MAML3: variants seen among roughly 807,000 people sequenced by gnomAD.
The protein encoded by MAML3 is mastermind-like protein 3.
In MAML3, 27 loss-of-function variants were observed where a neutral mutation model predicts 101.9. That is an observed-to-expected ratio of 0.27 (90% CI 0.20 to 0.37). The LOEUF is 0.37. Among genes scored for constraint, MAML3 ranks in the 10% least tolerant of loss-of-function variants. The pLI is 1.00. For missense variants in MAML3, 1,316 were observed against 1,444.9 expected (o/e 0.91, Z 1.45); for synonymous variants, 501 against 555.9 (o/e 0.90, Z 1.39).
rs1553973063 is a variant in MAML3 at position 140,074,260 on chromosome 4, A to AGAAAGAAG, written c.468+78599_468+78600insCTTCTTTC. On this transcript the variant is annotated intron_variant, in intron 1 of 4. Coordinates refer to ENST00000509479, the MANE Select transcript of MAML3 (RefSeq NM_018717.5). ...AAGAAAGAAAGAAAGAAAGAAAGAA[A>AGAAAGAAG]GAGGACATGTGTACTATGAGGGAGA... Among the ~76,000 whole-genome samples, 14 of 150,788 alleles carry AGAAAGAAG rather than the reference A, an allele frequency of 9.3e-5. 1 individual carries two copies. The highest frequency in any genetic ancestry group is 2.4e-4 in the African/African-American group (10 of 41,030).
At chr4:139,917,521 G>T (rs764212545) in intron 1 of MAML3, among the ~76,000 whole-genome samples, 13 of 152,152 alleles carry the variant, frequency 8.5e-5, no homozygotes, top group Non-Finnish European at 1.8e-4. Context: ...GTTGAGGAGG[G>T]GGAATGCCAC....
At chr4:139,971,060 C>T (rs1387934731) in intron 1 of MAML3, among the ~76,000 whole-genome samples, 1 of 152,142 alleles carries the variant, frequency 6.6e-6, no homozygotes, top group Non-Finnish European at 1.5e-5. Context: ...GTATTAAGGA[C>T]CGAGGGGTTA....
chr4:139,949,004 T>C (rs1364969085), intron 1 of MAML3, among the ~76,000 whole-genome samples: 1 of 152,020 alleles, frequency 6.6e-6, no homozygotes, highest in Non-Finnish European at 1.5e-5. Context: ...AAAGTGGTAG[T>C]AGAAATTTTT....
chr4:140,130,446 G>A (rs1473974092), intron 1 of MAML3, among the ~76,000 whole-genome samples: 1 of 152,178 alleles, frequency 6.6e-6, no homozygotes, highest in African/African-American at 2.4e-5. Context: ...GAAATTGAGA[G>A]TCTAAAAAAT....
At chr4:140,101,562 A>T (rs34569209) in intron 1 of MAML3, among the ~76,000 whole-genome samples, 68,163 of 151,902 alleles carry the variant, frequency 0.45, 15,714 homozygotes, top group Non-Finnish European at 0.49. Context: ...AAGCCAGGAG[A>T]CCCTCCATTT....
At chr4:139,722,995 C>T (rs917000286) in intron 4 of MAML3, among the ~76,000 whole-genome samples, 8 of 152,220 alleles carry the variant, frequency 5.3e-5, no homozygotes, top group Admixed American at 3.9e-4. Context: ...TTCCACGTCA[C>T]GAATAGAAAA....
In MAML3 at chr4:139,720,407, A is replaced by G. The variant is rs374543508; in HGVS notation, c.2417-84T>C. ...CAAGATGTTGGAATTTTCTTTGGGA[A>G]TGACAAAATTCCTTTATATGAAAGG... is the stretch of plus-strand genomic sequence containing the variant. On this transcript the variant is annotated intron_variant, in intron 4 of 4. Coordinates refer to ENST00000509479, the MANE Select transcript of MAML3 (RefSeq NM_018717.5). 15 of 1,278,292 alleles carry G rather than the reference A, an allele frequency of 1.2e-5. No individual in the cohort carries two copies. The East Asian group carries it at 1.8e-4, about 15-fold the overall frequency. The allele number at this position is 1,278,292 out of a possible 1,614,324, so 79.2% of individuals were successfully genotyped here.
In MAML3 at chr4:139,719,777, T is replaced by C; in HGVS notation, c.2963A>G (p.Tyr988Cys). The C allele has an allele frequency of 6.2e-7, 1 of 1,613,630 alleles. No homozygotes were observed. The highest frequency in any genetic ancestry group is 2.2e-5 in the East Asian group (1 of 44,882). Reference sequence around the variant, plus strand: ...TCTCGGCTGCCCAGCTTGAAGAGGGTAGCTGGCGCCATTGTTGAATGGTCC... The same window carrying C: ...TCTCGGCTGCCCAGCTTGAAGAGGGCAGCTGGCGCCATTGTTGAATGGTCC... ...ELGPFNNGAS[Y>C]PLQAGQPRLT... Residue 988 changes from tyrosine (Y) to cysteine (C), a missense_variant, in exon 5 of 5, where the codon TAC becomes TGC. Physicochemically the swap from Tyr to Cys is radical, Grantham distance 194. Transcript: ENST00000509479.
At position 139,943,125 on chromosome 4, in the gene MAML3, A is replaced by G. The variant is rs138292860; in HGVS notation, c.469-52158T>C. On this transcript the variant is annotated intron_variant, in intron 1 of 4. Transcript: ENST00000509479. ...CACCTAAAATAAAAAGATTCCTCCA[A>G]AATAAAAAACTTAAAATATAGGATT... 3.9e-3 allele frequency among the ~76,000 whole-genome samples: 590 copies of G among 152,336 alleles called. 7 individuals are homozygous for G. The highest frequency in any genetic ancestry group is 0.013 in the African/African-American group (554 of 41,580).
At chr4:139,815,660 A>AT (rs1730879811) in intron 2 of MAML3, among the ~76,000 whole-genome samples, 1 of 152,290 alleles carries the variant, frequency 6.6e-6, no homozygotes, top group Non-Finnish European at 1.5e-5. Flanking sequence ...TTCATGGTGC[A>AT]TTTTTTAAAG....
At chr4:139,852,956 T>C (rs1357928396) in intron 2 of MAML3, among the ~76,000 whole-genome samples, 1 of 152,240 alleles carries the variant, frequency 6.6e-6, no homozygotes, top group Non-Finnish European at 1.5e-5. Flanking sequence ...AGTTCTCTTA[T>C]TTATTTTCTA....
chr4:139,931,780 C>T (rs938427387), intron 1 of MAML3, among the ~76,000 whole-genome samples: 3 of 151,870 alleles, frequency 2.0e-5, no homozygotes, highest in African/African-American at 7.3e-5. Flanking sequence ...GAGGCCCAGA[C>T]GGGCGGGTCA....
At chr4:140,134,184 A>G (rs549390623) in intron 1 of MAML3, 12 of 456,744 alleles carry the variant, frequency 2.6e-5, no homozygotes, top group South Asian at 1.7e-4. Flanking sequence ...TAAAGGGAGA[A>G]TATGTAGATT....
chr4:140,064,832 C>A (rs1727505173), intron 1 of MAML3, among the ~76,000 whole-genome samples: 1 of 152,162 alleles, frequency 6.6e-6, no homozygotes, highest in Non-Finnish European at 1.5e-5. Context: ...AACAGCTATG[C>A]CCTAAAACTG....
chr4:139,983,590 C>T (rs956717781), intron 1 of MAML3, among the ~76,000 whole-genome samples: 2 of 152,120 alleles, frequency 1.3e-5, no homozygotes, highest in Admixed American at 6.5e-5. Context: ...ATCCGAAACC[C>T]AAAATGTTCT....
At chr4:139,746,306 A>T (rs2111032168) in intron 2 of MAML3, among the ~76,000 whole-genome samples, 1 of 152,378 alleles carries the variant, frequency 6.6e-6, no homozygotes, top group Non-Finnish European at 1.5e-5. Flanking sequence ...ATTCATCAGT[A>T]CACAACCAGT....
chr4:140,055,328 G>A (rs926628192), intron 1 of MAML3, among the ~76,000 whole-genome samples: 1 of 152,200 alleles, frequency 6.6e-6, no homozygotes, highest in Admixed American at 6.5e-5. Flanking sequence ...GGCTTGGTAT[G>A]TATGATAAAC....
At chr4:139,780,623 C>CTTTTTT (rs35929438) in intron 2 of MAML3, among the ~76,000 whole-genome samples, 5 of 136,958 alleles carry the variant, frequency 3.7e-5, no homozygotes, top group Admixed American at 7.4e-5. Context: ...TCTTTCTTTT[C>CTTTTTT]TTTTTTTTTT....
chr4:139,774,888 TA>T (rs1389819745), intron 2 of MAML3, among the ~76,000 whole-genome samples: 1 of 152,100 alleles, frequency 6.6e-6, no homozygotes, highest in Admixed American at 6.6e-5. Context: ...GAAAGAGAAA[TA>T]AATGTGTATG....
Sources: gnomAD v4.1 joint callset for allele counts (sites outside exome capture counted in the v4.1 genomes callset) on GRCh38, gnomAD v4.1.1 for gene constraint, MANE v1.5 for transcripts, NCBI Gene and HGNC (gene_info 2026-07-23, HGNC 2026-07-21) for gene names.